The following SAMD4A variants were observed in gnomAD, a reference collection of about 807,000 sequenced individuals.
SAMD4A encodes protein Smaug homolog 1.
A neutral mutation model predicts 81.3 loss-of-function variants in SAMD4A; 33 were observed. The observed-to-expected ratio is 0.41, with a 90% CI of 0.31 to 0.54. The LOEUF (loss-of-function observed/expected upper bound fraction) is 0.54. Ranked by LOEUF, SAMD4A falls within the 20% of genes least tolerant of loss-of-function variation. The pLI is 0.37. For missense variants in SAMD4A, 854 were observed against 951.1 expected, an observed-to-expected ratio of 0.90 and a Z score of 1.34; for synonymous variants, 389 against 382.1, an observed-to-expected ratio of 1.02 and a Z score of -0.21.
rs759810621 is a variant in SAMD4A at position 54,702,536 on chromosome 14, C to G, written c.671C>G (p.Ser224Cys). 8 of 1,614,164 alleles carry G rather than the reference C, an allele frequency of 5.0e-6. No individual in the cohort carries two copies. The Admixed American group carries it at 6.7e-5, about 13-fold the overall frequency. The change falls in exon 3 of 13, where the codon TCT becomes TGT. Residue 224 changes from serine (S) to cysteine (C), a missense_variant. Ser to Cys is a moderately radical substitution (Grantham distance 112). Coordinates refer to ENST00000554335, the MANE Select transcript of SAMD4A (RefSeq NM_015589.6). The part of the protein sequence containing the change: ...NGHVPLYSSS[S>C]VPTTINTIGT... ...CATGTGCCCCTCTACTCCTCCTCAT[C>G]TGTCCCCACCACAATCAATACGATT... is the stretch of plus-strand genomic sequence containing the variant.
chr14:54,770,788 C>A (rs1360199130), intron 9 of SAMD4A, among the ~76,000 whole-genome samples: 3 of 152,110 alleles, frequency 2.0e-5, no homozygotes, highest in Admixed American at 6.5e-5. Context: ...ACTTTAGAAC[C>A]CATTACCTTA....
At chr14:54,705,692 C>T (rs1277434079) in intron 3 of SAMD4A, among the ~76,000 whole-genome samples, 1 of 152,158 alleles carries the variant, frequency 6.6e-6, no homozygotes, top group Non-Finnish European at 1.5e-5. Flanking sequence ...TGTATGGATT[C>T]CCAATCATTC....
intron 2 of SAMD4A, among the ~76,000 whole-genome samples, chr14:54,597,164 G>A (rs1341781358): frequency 3.3e-5 from 5 of 151,684 alleles, no homozygotes; most frequent in African/African-American, 7.3e-5. Context: ...TTCCTATGTG[G>A]GTACAATCTG....
At chr14:54,776,649 T>C (rs1176976529) in intron 11 of SAMD4A, 109 bp downstream of exon 11, 9 of 1,278,804 alleles carry the variant, frequency 7.0e-6, no homozygotes, top group South Asian at 1.9e-5. Context: ...GTGCATTCTT[T>C]GGAGCTTATA....
chr14:54,729,001 GAC>G (rs964825032), intron 3 of SAMD4A, among the ~76,000 whole-genome samples: 3 of 152,204 alleles, frequency 2.0e-5, no homozygotes, highest in African/African-American at 7.2e-5. Context: ...GGAGTTAGTA[GAC>G]ACAGTTTTAA....
intron 4 of SAMD4A, among the ~76,000 whole-genome samples, chr14:54,745,490 G>A (rs745395545): frequency 2.0e-5 from 3 of 152,122 alleles, no homozygotes; most frequent in South Asian, 2.1e-4. Flanking sequence ...AAGGCTCATC[G>A]TTCTGTGCTC....
At chr14:54,747,179 T>C (rs2037990133) in intron 4 of SAMD4A, among the ~76,000 whole-genome samples, 1 of 152,202 alleles carries the variant, frequency 6.6e-6, no homozygotes, top group Non-Finnish European at 1.5e-5. Context: ...CTTGTCATAG[T>C]AGAGTGAAGG....
chr14:54,785,460 T>C lies in SAMD4A; in HGVS notation c.2128+840T>C, dbSNP rs556385650. Among the ~76,000 whole-genome samples the C allele has an allele frequency of 2.6e-5, 4 of 152,354 alleles. No homozygotes were observed. The South Asian group carries it at 8.3e-4, about 32-fold the overall frequency. ...TGTCTGCCATTTCCTGCCAGCTTCC[T>C]GGGAGGCTCTGTGCCACAGAGACAC... On this transcript the variant is annotated intron_variant, in intron 12 of 12. Transcript: ENST00000554335.
chr14:54,578,851 A>G (rs2033384519), intron 2 of SAMD4A, among the ~76,000 whole-genome samples: 1 of 152,142 alleles, frequency 6.6e-6, no homozygotes. Context: ...TTATGGTAGT[A>G]GACAGTCAAA....
At position 54,687,639 on chromosome 14, in the gene SAMD4A, A is replaced by G. The variant is rs989751077; in HGVS notation, c.197-14423A>G. ...TGGAAACTTTCTATAAAAGGCAGCC[A>G]GGTCCCCTGGACAAGGGGTCAGGAA... is the stretch of plus-strand genomic sequence containing the variant. On this transcript the variant is annotated intron_variant, in intron 2 of 12. Transcript: ENST00000554335. Among the ~76,000 whole-genome samples, 4 of 152,248 alleles carry G rather than the reference A, an allele frequency of 2.6e-5. No individual in the cohort carries two copies. In the East Asian group the frequency reaches 7.7e-4, roughly 29 times the overall value.
At chr14:54,708,547 G>A (rs916978859) in intron 3 of SAMD4A, among the ~76,000 whole-genome samples, 1 of 152,192 alleles carries the variant, frequency 6.6e-6, no homozygotes, top group African/African-American at 2.4e-5. Context: ...AAAAGGCAGA[G>A]ACTGTAGATA....
intron 2 of SAMD4A, among the ~76,000 whole-genome samples, chr14:54,584,403 A>G (rs890837302): frequency 2.6e-5 from 4 of 152,196 alleles, no homozygotes; most frequent in African/African-American, 4.8e-5. Context: ...AGGAATTTCT[A>G]TCAGAGGAGT....
chr14:54,653,888 C>A (rs367939624), intron 2 of SAMD4A, among the ~76,000 whole-genome samples: 6 of 152,136 alleles, frequency 3.9e-5, no homozygotes, highest in Admixed American at 2.0e-4. Context: ...CTGTCTTAGC[C>A]GGGGAATCTT....
intron 2 of SAMD4A, among the ~76,000 whole-genome samples, chr14:54,648,589 T>A (rs2035334849): frequency 6.6e-6 from 1 of 152,198 alleles, no homozygotes; most frequent in Non-Finnish European, 1.5e-5. Flanking sequence ...ACAGATGATA[T>A]TCAGAGTTGT....
chr14:54,643,491 T>C (rs2035219206), intron 2 of SAMD4A, among the ~76,000 whole-genome samples: 1 of 152,244 alleles, frequency 6.6e-6, no homozygotes, highest in Non-Finnish European at 1.5e-5. Flanking sequence ...CTAGGAGGTC[T>C]CCTAGGCCCG....
rs764011578 is a variant in SAMD4A at position 54,724,020 on chromosome 14, G to GGAA, written c.716-13002_716-13000dup. ...TGGATGGATGGATGGAAGGAAGGAA[G>GGAA]GAAGGAAGGAAGGAAGGAAGGAAGG... On this transcript the variant is annotated intron_variant, in intron 3 of 12. Transcript: ENST00000554335. Among the ~76,000 whole-genome samples the GGAA allele has an allele frequency of 4.9e-3, 705 of 144,924 alleles. 13 individuals are homozygous for GGAA. The highest frequency in any genetic ancestry group is 0.041 in the South Asian group (186 of 4,540).
intron 2 of SAMD4A, among the ~76,000 whole-genome samples, chr14:54,698,253 AT>A (rs1411048003): frequency 6.6e-6 from 1 of 152,244 alleles, no homozygotes; most frequent in African/African-American, 2.4e-5. Flanking sequence ...CTATTAATAC[AT>A]TTATATAATG....
intron 2 of SAMD4A, among the ~76,000 whole-genome samples, chr14:54,587,813 G>A (rs112513016): frequency 2.6e-5 from 4 of 152,096 alleles, no homozygotes; most frequent in Non-Finnish European, 5.9e-5. Context: ...GGATTTTTGC[G>A]TCTATGTTCA....
At chr14:54,595,381 G>A (rs1222410938) in intron 2 of SAMD4A, among the ~76,000 whole-genome samples, 1 of 149,534 alleles carries the variant, frequency 6.7e-6, no homozygotes, top group Non-Finnish European at 1.5e-5. Context: ...ATGGGTACAG[G>A]GCTGGTGCCA....
Sources: allele counts gnomAD v4.1 joint callset (sites outside exome capture counted in the v4.1 genomes callset), GRCh38; gene constraint gnomAD v4.1.1; transcripts MANE v1.5; gene names NCBI Gene and HGNC (gene_info 2026-07-23, HGNC 2026-07-21).